The following NUMB variants were observed in gnomAD, a reference collection of about 807,000 sequenced individuals.
NUMB encodes NUMB endocytic adaptor protein.
A neutral mutation model predicts 59.7 loss-of-function variants in NUMB; 29 were observed. The observed-to-expected ratio is 0.49, with a 90% CI of 0.36 to 0.66. NUMB has a LOEUF of 0.66. Ranked by LOEUF, NUMB falls within the 30% of genes least tolerant of loss-of-function variation. The pLI, the probability that NUMB is intolerant of heterozygous loss-of-function variation, is 0.00. For missense variants in NUMB, 723 were observed against 822.0 expected, an observed-to-expected ratio of 0.88 and a Z score of 1.47; for synonymous variants, 288 against 288.2, an observed-to-expected ratio of 1.00 and a Z score of 0.01.
At chr14:73,309,306 G>T (rs972549605) in intron 6 of NUMB, among the ~76,000 whole-genome samples, 4 of 152,108 alleles carry the variant, frequency 2.6e-5, no homozygotes, top group African/African-American at 9.7e-5. Flanking sequence ...CAATAGCAAA[G>T]ACTTGGAACC....
intron 1 of NUMB, among the ~76,000 whole-genome samples, chr14:73,434,148 G>A (rs1897949571): frequency 6.6e-6 from 1 of 152,118 alleles, no homozygotes; most frequent in Non-Finnish European, 1.5e-5. Flanking sequence ...ACAATGATAT[G>A]CTCAACAACA....
chr14:73,286,190 A>ATTTTTTTTTTTTTTT (rs55711968), intron 9 of NUMB: 2 of 72,130 alleles, frequency 2.8e-5, no homozygotes, highest in South Asian at 6.7e-4. Flanking sequence ...AAATATGGCA[A>ATTTTTTTTTTTTTTT]TTTTTTTTTT....
chr14:73,361,673 T>C (rs1244005293), intron 3 of NUMB, among the ~76,000 whole-genome samples: 3 of 152,102 alleles, frequency 2.0e-5, no homozygotes, highest in Non-Finnish European at 2.9e-5. Flanking sequence ...TAAGTTCTTA[T>C]CATTTAGCTC....
chr14:73,346,535 G>A (rs887750174), intron 4 of NUMB, among the ~76,000 whole-genome samples: 2 of 151,038 alleles, frequency 1.3e-5, no homozygotes, highest in Non-Finnish European at 2.9e-5. Context: ...ATTGCAAGAC[G>A]AGCTCTGAAA....
rs528593324 is a variant in NUMB at position 73,379,660 on chromosome 14, G to C, written c.-100-12679C>G. On this transcript the variant is annotated intron_variant, in intron 2 of 12. Transcript: ENST00000555238. ...ATCTAAAGGCAGTTGAGTAGTAAGAGGGCAAGCCCAAGTACATAGGTGGAA... is the reference window on the plus strand; with the variant it reads ...ATCTAAAGGCAGTTGAGTAGTAAGACGGCAAGCCCAAGTACATAGGTGGAA... Among the ~76,000 whole-genome samples the C allele has an allele frequency of 9.1e-4, 138 of 152,280 alleles. 1 individual carries two copies. Among genetic ancestry groups the C allele is most frequent in the African/African-American group, 3.3e-3 (136 of 41,552 alleles).
chr14:73,357,223 C>T (rs1225740813), intron 3 of NUMB, among the ~76,000 whole-genome samples: 10 of 148,278 alleles, frequency 6.7e-5, no homozygotes, highest in Non-Finnish European at 8.9e-5. Flanking sequence ...GCTAACATAG[C>T]GAAACCCCGT....
At chr14:73,357,704 A>G (rs899671445) in intron 3 of NUMB, among the ~76,000 whole-genome samples, 2 of 152,192 alleles carry the variant, frequency 1.3e-5, no homozygotes, top group African/African-American at 4.8e-5. Flanking sequence ...CGGAGGTTGC[A>G]GTAAGCCGAG....
chr14:73,314,441 T>C (rs1163554817), intron 6 of NUMB, among the ~76,000 whole-genome samples: 2 of 139,644 alleles, frequency 1.4e-5, no homozygotes, highest in African/African-American at 2.6e-5. Context: ...ATTCATCATG[T>C]AGCAAAAAAA....
At chr14:73,318,294 T>C (rs946318804) in intron 5 of NUMB, among the ~76,000 whole-genome samples, 2 of 152,138 alleles carry the variant, frequency 1.3e-5, no homozygotes, top group Admixed American at 6.5e-5. Context: ...AAGATGTTAA[T>C]GAAAAAAGTT....
At chr14:73,436,511 G>A (rs1372778831) in intron 1 of NUMB, among the ~76,000 whole-genome samples, 1 of 151,948 alleles carries the variant, frequency 6.6e-6, no homozygotes, top group Admixed American at 6.6e-5. Flanking sequence ...GTAAAGACAC[G>A]GTTTCACCAT....
At chr14:73,324,614 G>GTT (rs59716688) in intron 4 of NUMB, among the ~76,000 whole-genome samples, 3 of 147,402 alleles carry the variant, frequency 2.0e-5, no homozygotes, top group African/African-American at 5.0e-5. Context: ...AACTAACAAA[G>GTT]TTTTTTTTTT....
chr14:73,340,613 G>T (rs1041666895), intron 4 of NUMB, among the ~76,000 whole-genome samples: 3 of 152,206 alleles, frequency 2.0e-5, no homozygotes, highest in Admixed American at 2.0e-4. Context: ...GTACACAGCA[G>T]ACTCCATAAA....
intron 2 of NUMB, among the ~76,000 whole-genome samples, chr14:73,402,930 A>C (rs576697809): frequency 6.6e-6 from 1 of 152,356 alleles, no homozygotes; most frequent in Admixed American, 6.5e-5. Context: ...AAGTCAAACA[A>C]ACACAATTTT....
At chr14:73,354,085 T>C (rs184000137) in intron 4 of NUMB, among the ~76,000 whole-genome samples, 239 of 152,316 alleles carry the variant, frequency 1.6e-3, no homozygotes, top group Non-Finnish European at 2.6e-3. Flanking sequence ...CTAACCTGTA[T>C]ATTTAAGAAT....
rs1277530765 is a variant in NUMB at position 73,302,903 on chromosome 14, A to G, written c.235-5618T>C. On this transcript the variant is annotated intron_variant, in intron 6 of 12. Coordinates refer to ENST00000555238, the MANE Select transcript of NUMB (RefSeq NM_001005743.2). ...AATCAAAGGACTGAAAAAAAACTAC[A>G]TTAAATATCAAATGTAGAATTTACA... 2.0e-5 allele frequency among the ~76,000 whole-genome samples: 3 copies of G among 152,178 alleles called. No individual in the cohort carries two copies. The South Asian group carries it at 6.2e-4, about 32-fold the overall frequency.
intron 9 of NUMB, chr14:73,285,326 A>G (rs939661265): frequency 1.7e-4 from 26 of 151,926 alleles, no homozygotes; most frequent in Non-Finnish European, 3.5e-4. Flanking sequence ...CTTGGGACTC[A>G]ATCTCTTTGC....
chr14:73,282,544 G>T (rs199575954), intron 10 of NUMB, 39 bp from the exon 11 acceptor site: 4 of 1,599,968 alleles, frequency 2.5e-6, no homozygotes, highest in Non-Finnish European at 3.4e-6. Context: ...ACAGAAAAAT[G>T]GAATAATCCT....
chr14:73,316,267 A>G, intron 6 of NUMB, 123 bp downstream of exon 6: 1 of 771,998 alleles, frequency 1.3e-6, no homozygotes, highest in South Asian at 1.6e-5. Flanking sequence ...ATTTCCATAT[A>G]CAATCAAACC....
chr14:73,411,213 T>C (rs1196640291), intron 1 of NUMB, among the ~76,000 whole-genome samples: 1 of 82,768 alleles, frequency 1.2e-5, no homozygotes. Context: ...TGGGGGAAAG[T>C]AGAGGGTGGG....
Sources: gnomAD v4.1 joint callset for allele counts (sites outside exome capture counted in the v4.1 genomes callset) on GRCh38, gnomAD v4.1.1 for gene constraint, MANE v1.5 for transcripts, NCBI Gene and HGNC (gene_info 2026-07-23, HGNC 2026-07-21) for gene names.